Variants in NYAP2 observed in about 807,000 individuals in gnomAD.
The protein encoded by NYAP2 is neuronal tyrosine-phosphorylated phosphoinositide-3-kinase adapter 2.
A neutral mutation model predicts 50.4 loss-of-function variants in NYAP2; 23 were observed. The observed-to-expected ratio is 0.46, with a 90% CI of 0.33 to 0.65. The LOEUF is 0.65. Ranked by LOEUF, NYAP2 falls within the 30% of genes least tolerant of loss-of-function variation. The pLI, the probability that NYAP2 is intolerant of heterozygous loss-of-function variation, is 0.02. For missense variants in NYAP2, 885 were observed against 861.0 expected (o/e 1.03, Z -0.35); for synonymous variants, 394 against 365.2 (o/e 1.08, Z -0.90).
chr2:225,675,676 G>A, the NYAP2 span, among the ~76,000 whole-genome samples: 1 of 152,122 alleles, frequency 6.6e-6, no homozygotes, highest in Non-Finnish European at 1.5e-5. Flanking sequence ...GGGATTATTA[G>A]CTCAGTTGGT....
chr2:225,506,705 G>A (rs1223942856), intron 3 of NYAP2, among the ~76,000 whole-genome samples: 9 of 152,158 alleles, frequency 5.9e-5, no homozygotes, highest in Admixed American at 2.6e-4. Context: ...TGAAGAAAGT[G>A]TAAATATTAG....
At position 225,405,157 on chromosome 2, in the gene NYAP2, A is replaced by G. The variant is rs1694919255; in HGVS notation, c.-17-3707A>G. On this transcript the variant is annotated intron_variant, in intron 2 of 6. Coordinates refer to ENST00000636099, the Ensembl canonical transcript of NYAP2. ...GGCAACAGACTCAATGAACTCAATTAAAGGGATGAACTCAATTAAAAGGGA... is the reference window on the plus strand; with the variant it reads ...GGCAACAGACTCAATGAACTCAATTGAAGGGATGAACTCAATTAAAAGGGA... Among the ~76,000 whole-genome samples the G allele has an allele frequency of 2.6e-5, 4 of 152,038 alleles. No homozygotes were observed. In the South Asian group the frequency reaches 6.2e-4, roughly 24 times the overall value.
At chr2:225,440,688 G>A (rs966219762) in intron 3 of NYAP2, among the ~76,000 whole-genome samples, 7 of 152,208 alleles carry the variant, frequency 4.6e-5, no homozygotes, top group African/African-American at 1.2e-4. Context: ...AAAGACAAAA[G>A]AGTATGGAGA....
intron 4 of NYAP2, among the ~76,000 whole-genome samples, chr2:225,564,840 G>A (rs1451986194): frequency 1.3e-5 from 2 of 151,958 alleles, no homozygotes; most frequent in East Asian, 1.9e-4. Flanking sequence ...TAAAACCTAA[G>A]GGATATATCT....
At chr2:225,615,817 C>T (rs1277038973) in intron 5 of NYAP2, among the ~76,000 whole-genome samples, 1 of 152,198 alleles carries the variant, frequency 6.6e-6, no homozygotes, top group Admixed American at 6.5e-5. Context: ...CGTTGACCTG[C>T]TATTTCTCCA....
chr2:225,574,807 A>G (rs761436718), intron 4 of NYAP2, among the ~76,000 whole-genome samples: 2 of 152,108 alleles, frequency 1.3e-5, no homozygotes, highest in Non-Finnish European at 2.9e-5. Flanking sequence ...CAGTACCGTA[A>G]ATCTTTCAGA....
chr2:225,559,991 A>C (rs899978435), intron 4 of NYAP2, among the ~76,000 whole-genome samples: 1 of 152,024 alleles, frequency 6.6e-6, no homozygotes, highest in Non-Finnish European at 1.5e-5. Flanking sequence ...TCTCCTCCTC[A>C]ATTTCATATT....
intron 6 of NYAP2, among the ~76,000 whole-genome samples, chr2:225,634,152 G>T (rs1041978281): frequency 2.0e-5 from 3 of 152,156 alleles, no homozygotes; most frequent in Non-Finnish European, 2.9e-5. Context: ...AGAAATAGAG[G>T]TTTAGAATTC....
chr2:225,547,630 A>G (rs1691607120), intron 4 of NYAP2, among the ~76,000 whole-genome samples: 1 of 151,900 alleles, frequency 6.6e-6, no homozygotes, highest in African/African-American at 2.4e-5. Flanking sequence ...CAATCACTAT[A>G]CTCTCCTTCT....
intron 4 of NYAP2, among the ~76,000 whole-genome samples, chr2:225,552,051 G>A (rs1691687805): frequency 6.6e-6 from 1 of 152,138 alleles, no homozygotes. Context: ...GACCTCAAGT[G>A]TTCCACCTGC....
chr2:225,441,828 T>G (rs1236684077), intron 3 of NYAP2, among the ~76,000 whole-genome samples: 1 of 152,220 alleles, frequency 6.6e-6, no homozygotes, highest in Non-Finnish European at 1.5e-5. Flanking sequence ...GAAATAATGT[T>G]GGACAAGTTC....
At chr2:225,467,354 C>T (rs755959528) in intron 3 of NYAP2, among the ~76,000 whole-genome samples, 71 of 152,142 alleles carry the variant, frequency 4.7e-4, no homozygotes, top group Non-Finnish European at 7.9e-4. Context: ...GCACCAGCTG[C>T]AACCAGTTAT....
chr2:225,512,646 TCCC>T lies in NYAP2; in HGVS notation c.222-724_222-722del, dbSNP rs558589981. 6.6e-3 allele frequency among the ~76,000 whole-genome samples: 993 copies of T among 150,060 alleles called. 6 individuals carry two copies. Among genetic ancestry groups the T allele is most frequent in the Non-Finnish European group, 9.9e-3 (669 of 67,338 alleles). ...TTACTTTTTCTCCTTCCTTCCTTCCTCCCTCCCTTCCTCCCATCTTTCTTTGCT... is the reference window on the plus strand; with the variant it reads ...TTACTTTTTCTCCTTCCTTCCTTCCTTCCCTTCCTCCCATCTTTCTTTGCT... On this transcript the variant is annotated intron_variant, in intron 3 of 6. Transcript: ENST00000636099.
chr2:225,419,781 A>G (rs1695186813), intron 3 of NYAP2, among the ~76,000 whole-genome samples: 1 of 152,146 alleles, frequency 6.6e-6, no homozygotes, highest in Non-Finnish European at 1.5e-5. Context: ...TGACTATCTC[A>G]ATAACATCAC....
rs1021410910 is a variant in NYAP2, at chr2:225,640,404, A to G, written c.1829-11028A>G. 5.9e-5 allele frequency among the ~76,000 whole-genome samples: 9 copies of G among 152,112 alleles called. 1 individual carries two copies. Among genetic ancestry groups the G allele is most frequent in the Non-Finnish European group, 1.5e-5 (1 of 68,036 alleles). ...TTGTCTTTCTTTGGTCCAGTCATTT[A>G]CTCACTCAGTGAGAACACTATGAGG... On this transcript the variant is annotated intron_variant, in intron 6 of 6. Transcript: ENST00000636099.
At chr2:225,452,138 T>G (rs181283464) in intron 3 of NYAP2, among the ~76,000 whole-genome samples, 295 of 152,332 alleles carry the variant, frequency 1.9e-3, no homozygotes, top group African/African-American at 6.6e-3. Context: ...TTGCAATATG[T>G]TATAGCTTTA....
At chr2:225,689,383 T>C in the NYAP2 span, among the ~76,000 whole-genome samples, 1 of 152,132 alleles carries the variant, frequency 6.6e-6, no homozygotes, top group Admixed American at 6.6e-5. Flanking sequence ...CCCAGATACA[T>C]AAAAATAAAT....
At chr2:225,461,722 A>G (rs1689836858) in intron 3 of NYAP2, among the ~76,000 whole-genome samples, 1 of 152,224 alleles carries the variant, frequency 6.6e-6, no homozygotes, top group African/African-American at 2.4e-5. Flanking sequence ...GATTGGAGAT[A>G]AGATAATCTT....
At chr2:225,517,093 AG>A (rs1194764120) in intron 4 of NYAP2, among the ~76,000 whole-genome samples, 1 of 152,188 alleles carries the variant, frequency 6.6e-6, no homozygotes, top group Non-Finnish European at 1.5e-5. Flanking sequence ...ATACCAAAAA[AG>A]TATAATTTAG....
Sources: gnomAD v4.1 joint callset for allele counts (sites outside exome capture counted in the v4.1 genomes callset) on GRCh38, gnomAD v4.1.1 for gene constraint, MANE v1.5 for transcripts, NCBI Gene and HGNC (gene_info 2026-07-23, HGNC 2026-07-21) for gene names.